USP25: variants seen among roughly 807,000 people sequenced by gnomAD.
USP25 encodes ubiquitin specific peptidase 25.
Under a neutral mutation model 158.5 loss-of-function variants are expected in USP25, and 85 were observed. That is an observed-to-expected ratio of 0.54 (90% CI 0.45 to 0.64). The LOEUF is 0.64. Among genes scored for constraint, USP25 ranks in the 30% least tolerant of loss-of-function variants. The pLI is 0.00. For missense variants in USP25, 1,242 were observed against 1,327.3 expected (o/e 0.94, Z 1.00); for synonymous variants, 464 against 460.4 (o/e 1.01, Z -0.10).
chr21:15,832,829 T>C (rs1271348558), intron 16 of USP25, among the ~76,000 whole-genome samples: 11 of 151,976 alleles, frequency 7.2e-5, no homozygotes, highest in Admixed American at 1.3e-4. Context: ...CCATCCTGGC[T>C]AACACAGTGA....
chr21:15,794,175 A>G (rs1224317345), intron 5 of USP25, among the ~76,000 whole-genome samples: 1 of 151,682 alleles, frequency 6.6e-6, no homozygotes, highest in African/African-American at 2.4e-5. Flanking sequence ...TAGTAATATC[A>G]CCCTTTAACT....
At chr21:15,864,545 T>C in intron 21 of USP25, 99 bp downstream of exon 21, 1 of 1,065,932 alleles carries the variant, frequency 9.4e-7, no homozygotes, top group Non-Finnish European at 1.3e-6. Context: ...TATATATGCA[T>C]GGGCACATAT....
chr21:15,775,470 T>A (rs913696285), intron 3 of USP25, among the ~76,000 whole-genome samples: 5 of 152,204 alleles, frequency 3.3e-5, no homozygotes, highest in Admixed American at 2.0e-4. Flanking sequence ...GGGAAGCGGC[T>A]ACTTCTGTCA....
chr21:15,737,841 TTTTC>T (rs770732736), intron 1 of USP25, among the ~76,000 whole-genome samples: 12 of 152,068 alleles, frequency 7.9e-5, no homozygotes, highest in Non-Finnish European at 1.3e-4. Context: ...ACTTTTTTTT[TTTTC>T]CCTTCAGATT....
At chr21:15,811,351 G>T in intron 9 of USP25, 141 bp downstream of exon 9, 1 of 700,004 alleles carries the variant, frequency 1.4e-6, no homozygotes. Flanking sequence ...GATTGCTACT[G>T]TTATTCACAT....
intron 4 of USP25, among the ~76,000 whole-genome samples, chr21:15,782,461 G>A (rs559770805): frequency 1.5e-4 from 23 of 152,260 alleles, no homozygotes; most frequent in Non-Finnish European, 2.8e-4. Flanking sequence ...TGGCCTGATA[G>A]CCAGCCCAGC....
intron 9 of USP25, among the ~76,000 whole-genome samples, chr21:15,811,678 T>C (rs1321690807): frequency 6.6e-6 from 1 of 152,208 alleles, no homozygotes; most frequent in East Asian, 1.9e-4. Flanking sequence ...GAAAAGATTG[T>C]ACTCTATCTT....
At chr21:15,847,120 C>T (rs951664279) in intron 18 of USP25, among the ~76,000 whole-genome samples, 24 of 151,644 alleles carry the variant, frequency 1.6e-4, no homozygotes, top group Non-Finnish European at 2.8e-4. Context: ...CAATTGATTA[C>T]CAAAAACAAT....
At position 15,857,695 on chromosome 21, in the gene USP25, T is replaced by G. The variant is rs115563456; in HGVS notation, c.2548-6573T>G. Among the ~76,000 whole-genome samples the G allele has an allele frequency of 9.4e-3, 1,434 of 152,230 alleles. 19 individuals are homozygous for G. The highest frequency in any genetic ancestry group is 0.033 in the African/African-American group (1,365 of 41,564). On this transcript the variant is annotated intron_variant, in intron 20 of 25. Coordinates refer to ENST00000400183, the MANE Select transcript of USP25 (RefSeq NM_001283041.3). ...ATAATTTGTCTTTTAAATTTATTTTTTGTGTCTTACTATACATAATTTTTT... is the reference window on the plus strand; with the variant it reads ...ATAATTTGTCTTTTAAATTTATTTTGTGTGTCTTACTATACATAATTTTTT...
intron 4 of USP25, among the ~76,000 whole-genome samples, chr21:15,780,624 C>G (rs1484709706): frequency 6.6e-6 from 1 of 152,068 alleles, no homozygotes; most frequent in Non-Finnish European, 1.5e-5. Context: ...TCTTTTTTTC[C>G]TCATTACTTC....
intron 1 of USP25, among the ~76,000 whole-genome samples, chr21:15,757,238 G>A (rs1315309150): frequency 1.3e-5 from 2 of 152,122 alleles, no homozygotes; most frequent in East Asian, 1.9e-4. Context: ...TTAAACTTAG[G>A]ATTTTTCTCA....
intron 1 of USP25, among the ~76,000 whole-genome samples, chr21:15,755,174 T>A (rs2033294781): frequency 6.6e-6 from 1 of 152,114 alleles, no homozygotes; most frequent in Admixed American, 6.5e-5. Flanking sequence ...TCCTCTGTTC[T>A]TAGAAAATTT....
At chr21:15,801,144 T>G (rs1235679051) in intron 6 of USP25, among the ~76,000 whole-genome samples, 1 of 151,620 alleles carries the variant, frequency 6.6e-6, no homozygotes, top group African/African-American at 2.4e-5. Flanking sequence ...AATTATCATT[T>G]CTAGTTAGGT....
chr21:15,818,596 C>T (rs1489089143), intron 9 of USP25, 102 bp from the exon 10 acceptor site: 11 of 960,342 alleles, frequency 1.1e-5, no homozygotes, highest in Non-Finnish European at 1.7e-5. Context: ...TGAAATCAGT[C>T]AGTGTTACAA....
chr21:15,736,127 TTGCTCTCTCACCC>T (rs2123171713), intron 1 of USP25, among the ~76,000 whole-genome samples: 1 of 152,062 alleles, frequency 6.6e-6, no homozygotes, highest in South Asian at 2.1e-4. Flanking sequence ...AGACGGGGTT[TTGCTCTCTCACCC>T]AAGCTGGAGT....
intron 5 of USP25, among the ~76,000 whole-genome samples, chr21:15,792,434 A>G (rs1467239690): frequency 2.6e-5 from 4 of 151,706 alleles, no homozygotes; most frequent in Non-Finnish European, 5.9e-5. Flanking sequence ...TCCTTAGGAA[A>G]GTTAACTAAT....
intron 12 of USP25, among the ~76,000 whole-genome samples, chr21:15,825,976 A>G (rs187320427): frequency 4.3e-4 from 65 of 152,262 alleles, no homozygotes; most frequent in Non-Finnish European, 7.4e-4. Context: ...AGATTATAAC[A>G]GTATATACTC....
intron 6 of USP25, among the ~76,000 whole-genome samples, chr21:15,800,630 G>A (rs115854453): frequency 2.6e-5 from 4 of 151,274 alleles, no homozygotes; most frequent in Admixed American, 6.6e-5. Flanking sequence ...ATATAGTTGC[G>A]TGTAGGGCTT....
At position 15,805,006 on chromosome 21, in the gene USP25, C is replaced by G. The variant is rs575345684; in HGVS notation, c.643-115C>G. 74 of 1,113,730 alleles carry G rather than the reference C, an allele frequency of 6.6e-5. No individual in the cohort carries two copies. The Admixed American group carries it at 7.6e-4, about 11-fold the overall frequency. The allele number at this position is 1,113,730 out of a possible 1,614,324, so 69.0% of individuals were successfully genotyped here. ...ATTATGATAGAGTGCTAATTCATCC[C>G]TAAACTATATTGGCTAGTTTAATTT... On this transcript the variant is annotated intron_variant, in intron 6 of 25. Coordinates refer to ENST00000400183, the MANE Select transcript of USP25 (RefSeq NM_001283041.3).
Sources: gnomAD v4.1 joint callset for allele counts (sites outside exome capture counted in the v4.1 genomes callset) on GRCh38, gnomAD v4.1.1 for gene constraint, MANE v1.5 for transcripts, NCBI Gene and HGNC (gene_info 2026-07-23, HGNC 2026-07-21) for gene names.